The following TOGARAM2 variants were observed in gnomAD, a reference collection of about 807,000 sequenced individuals.
The protein encoded by TOGARAM2 is TOG array regulator of axonemal microtubules protein 2.
TOGARAM2 carries 85 observed loss-of-function variants against 93.3 expected under a neutral mutation model. That is an observed-to-expected ratio of 0.91 (90% CI 0.76 to 1.09). The LOEUF (loss-of-function observed/expected upper bound fraction) is 1.09, where lower values mean the gene tolerates loss of function less well. Among genes scored for constraint, TOGARAM2 ranks in the 50% least tolerant of loss-of-function variants. The pLI is 0.00. For synonymous variants in TOGARAM2, 593 were observed against 552.8 expected (o/e 1.07, Z -1.02); for missense variants, 1,277 against 1,334.5 (o/e 0.96, Z 0.67).
At position 29,010,065 on chromosome 2, in the gene TOGARAM2, C is replaced by T. The variant is rs533620728; in HGVS notation, c.831-1390C>T. ...TGTGTGTGTGTGTGTGTTGGGGGGG[C>T]GCAGAGCGGGGGAGGCTGCAGCTCA... is the stretch of plus-strand genomic sequence containing the variant. On this transcript the variant is annotated intron_variant, in intron 6 of 19. Coordinates refer to ENST00000379558, the MANE Select transcript of TOGARAM2 (RefSeq NM_199280.4). 2.3e-4 allele frequency among the ~76,000 whole-genome samples: 34 copies of T among 150,564 alleles called. No individual in the cohort carries two copies. In the East Asian group the frequency reaches 6.3e-3, roughly 28 times the overall value.
chr2:29,023,685 C>T (rs1488180836), intron 12 of TOGARAM2, among the ~76,000 whole-genome samples: 1 of 152,126 alleles, frequency 6.6e-6, no homozygotes, highest in Non-Finnish European at 1.5e-5. Flanking sequence ...GTTTTGTTAA[C>T]ACAGGGGCCT....
chr2:28,975,018 TC>T, intron 1 of TOGARAM2, among the ~76,000 whole-genome samples: 1 of 152,198 alleles, frequency 6.6e-6, no homozygotes, highest in East Asian at 1.9e-4. Flanking sequence ...CTGATTTTTT[TC>T]CTCTATCATA....
intron 18 of TOGARAM2, among the ~76,000 whole-genome samples, chr2:29,043,951 C>T (rs189311522): frequency 8.5e-5 from 13 of 152,352 alleles, no homozygotes; most frequent in South Asian, 2.1e-4. Flanking sequence ...CAGTCGACTT[C>T]GGGAATATGA....
rs116414860 is a variant in TOGARAM2, at chr2:28,969,570, G to A, written c.-147+12873G>A. ...GGAGTACAAGAAGAAAAACAAAAAC[G>A]CCCAAACAAAAAGTTTGGCACCAGA... On this transcript the variant is annotated intron_variant, in intron 1 of 6. Coordinates refer to the TOGARAM2 transcript ENST00000401723. 3.4e-3 allele frequency among the ~76,000 whole-genome samples: 511 copies of A among 152,164 alleles called. 3 individuals carry two copies. The highest frequency in any genetic ancestry group is 0.011 in the African/African-American group (477 of 41,522).
chr2:28,994,293 G>A (rs1012932075), intron 1 of TOGARAM2, among the ~76,000 whole-genome samples: 1 of 152,036 alleles, frequency 6.6e-6, no homozygotes, highest in African/African-American at 2.4e-5. Flanking sequence ...ACTGGTGTCC[G>A]AGAGGCCCCG....
In TOGARAM2 at chr2:29,024,384, T is replaced by A. The variant is rs1665191436; in HGVS notation, c.1853+10T>A. Reference sequence around the variant, plus strand: ...CCTCGGCGGGTGTCTAGTATGTGGCTGCCTGTTGTCTGAGGGGCGGGGAAG... The same window carrying A: ...CCTCGGCGGGTGTCTAGTATGTGGCAGCCTGTTGTCTGAGGGGCGGGGAAG... On this transcript the variant is annotated intron_variant, in intron 13 of 19. Transcript: ENST00000379558. The A allele has an allele frequency of 1.3e-6, 2 of 1,515,732 alleles. No individual in the cohort carries two copies. Among genetic ancestry groups the A allele is most frequent in the African/African-American group, 1.4e-5 (1 of 71,704 alleles). 93.9% of individuals were successfully genotyped at this position (1,515,732 alleles called of 1,614,324 possible). A position where few individuals can be genotyped will look rare whatever the true frequency, so the allele number is the denominator to read the frequency against.
chr2:29,020,428 G>T (rs1334592857), intron 10 of TOGARAM2, among the ~76,000 whole-genome samples: 1 of 152,346 alleles, frequency 6.6e-6, no homozygotes, highest in East Asian at 1.9e-4. Context: ...GTTAGTTTAG[G>T]TGAGCTCAGC....
At chr2:29,020,777 A>G (rs1437023975) in intron 10 of TOGARAM2, among the ~76,000 whole-genome samples, 2 of 152,222 alleles carry the variant, frequency 1.3e-5, no homozygotes, top group Admixed American at 6.5e-5. Flanking sequence ...CCAGGGAAGG[A>G]TGGGGAGGTT....
At chr2:28,998,109 C>T (rs1274876365) in intron 2 of TOGARAM2, 34 bp from the exon 3 acceptor site, 2 of 1,480,412 alleles carry the variant, frequency 1.4e-6, no homozygotes, top group Non-Finnish European at 9.2e-7. Context: ...TTGGAGGACT[C>T]TCAGGTGCTG....
Position 28,994,645 on chromosome 2 carries a change from C to A in TOGARAM2, c.-110-80C>A. 7.4e-6 allele frequency: 4 copies of A among 537,210 alleles called. 1 individual carries two copies. The highest frequency in any genetic ancestry group is 7.1e-5 in the South Asian group (3 of 42,116). The allele number at this position is 537,210 out of a possible 1,614,324, so 33.3% of individuals were successfully genotyped here. A position where few individuals can be genotyped will look rare whatever the true frequency, so the allele number is the denominator to read the frequency against. On this transcript the variant is annotated intron_variant, in intron 1 of 19. Coordinates refer to ENST00000379558, the MANE Select transcript of TOGARAM2 (RefSeq NM_199280.4). ...TTTCTTCATGACAATAATGCTTTAG[C>A]CCCTGAAGGGCTTTTTGTGAAGTAG...
At chr2:28,975,044 G>A (rs1317721797) in intron 1 of TOGARAM2, among the ~76,000 whole-genome samples, 9 of 151,264 alleles carry the variant, frequency 5.9e-5, no homozygotes, top group South Asian at 2.1e-4. Flanking sequence ...TATTAATGCT[G>A]TTATTTATAT....
intron 3 of TOGARAM2, 100 bp downstream of exon 3, chr2:28,998,353 G>A: frequency 1.3e-6 from 1 of 770,204 alleles, no homozygotes; most frequent in Non-Finnish European, 2.1e-6. Flanking sequence ...CTACCAGCAG[G>A]TGTTATTTTT....
At chr2:29,050,197 A>T (rs913622922) in intron 19 of TOGARAM2, 10 of 152,092 alleles carry the variant, frequency 6.6e-5, no homozygotes, top group East Asian at 1.9e-4. Context: ...TACAAAAAAA[A>T]TTTTTAAAAA....
At chr2:29,001,856 C>CTTTTTT (rs11324817) in intron 4 of TOGARAM2, among the ~76,000 whole-genome samples, 4 of 147,564 alleles carry the variant, frequency 2.7e-5, no homozygotes, top group Non-Finnish European at 1.5e-5. Context: ...AAATGCTAGT[C>CTTTTTT]TTTTTTTTTT....
chr2:29,042,200 G>A (rs570528823), intron 18 of TOGARAM2, among the ~76,000 whole-genome samples: 1 of 152,246 alleles, frequency 6.6e-6, no homozygotes, highest in Non-Finnish European at 1.5e-5. Context: ...AAAGTGGCCA[G>A]CGGAAAGACA....
Position 29,051,941 on chromosome 2 carries a change from G to A in TOGARAM2, c.2908G>A (p.Asp970Asn), listed in dbSNP as rs768603796. ...GGAGCACATGGGCTCCCGCCTGCTGGACTTTGCCGCCAGCCAGCCAAAGCA... is the reference window on the plus strand; with the variant it reads ...GGAGCACATGGGCTCCCGCCTGCTGAACTTTGCCGCCAGCCAGCCAAAGCA... The part of the protein sequence containing the change: ...LQEHMGSRLL[D>N]FAASQPKHVL... Residue 970 changes from aspartate to asparagine, a missense_variant, in exon 20 of 20, where the codon GAC becomes AAC. Physicochemically the swap from Asp to Asn is conservative, Grantham distance 23. Coordinates refer to ENST00000379558, the MANE Select transcript of TOGARAM2 (RefSeq NM_199280.4). 6.2e-7 allele frequency: 1 copy of A among 1,606,654 alleles called. No individual in the cohort carries two copies. Among genetic ancestry groups the A allele is most frequent in the Non-Finnish European group, 8.5e-7 (1 of 1,176,990 alleles).
intron 1 of TOGARAM2, among the ~76,000 whole-genome samples, chr2:28,974,126 C>T (rs1349506228): frequency 1.4e-5 from 1 of 73,848 alleles, no homozygotes; most frequent in African/African-American, 5.3e-5. Context: ...TATAATATAT[C>T]CTTTTTTTTT....
chr2:29,011,251 G>T (rs1664228541), intron 6 of TOGARAM2, among the ~76,000 whole-genome samples: 1 of 152,226 alleles, frequency 6.6e-6, no homozygotes, highest in Non-Finnish European at 1.5e-5. Flanking sequence ...TGGCCTGGTG[G>T]TCAGCCTGCC....
chr2:28,999,342 G>A lies in TOGARAM2; in HGVS notation c.301G>A (p.Asp101Asn), dbSNP rs1558414110. The A allele has an allele frequency of 6.2e-7, 1 of 1,613,668 alleles. No individual in the cohort carries two copies. Among genetic ancestry groups the A allele is most frequent in the Non-Finnish European group, 8.5e-7 (1 of 1,179,770 alleles). Reference protein sequence around the residue: ...PRNLRALSLGDQPLVLLPSPE... With the variant: ...PRNLRALSLGNQPLVLLPSPE... ...GAACCTCAGGGCCTTGTCTTTGGGG[G>A]ACCAGCCCCTGGTGCTCCTCCCTTC... Residue 101 changes from aspartate to asparagine, a missense_variant, in exon 4 of 20, where the codon GAC becomes AAC. By Grantham distance (23) the Asp-to-Asn change is conservative. Coordinates refer to ENST00000379558, the MANE Select transcript of TOGARAM2 (RefSeq NM_199280.4).
Sources: gnomAD v4.1 joint callset for allele counts (sites outside exome capture counted in the v4.1 genomes callset) on GRCh38, gnomAD v4.1.1 for gene constraint, MANE v1.5 for transcripts, NCBI Gene and HGNC (gene_info 2026-07-23, HGNC 2026-07-21) for gene names.